The following ABLIM1 variants were observed in gnomAD, a reference collection of about 807,000 sequenced individuals.
The protein encoded by ABLIM1 is actin binding LIM protein 1.
Under a neutral mutation model 107.0 loss-of-function variants are expected in ABLIM1, and 40 were observed. The observed-to-expected ratio is 0.37, with a 90% CI of 0.29 to 0.49. ABLIM1 has a LOEUF of 0.49. Among genes scored for constraint, ABLIM1 ranks in the 20% least tolerant of loss-of-function variants. The pLI, the probability that ABLIM1 is intolerant of heterozygous loss-of-function variation, is 0.97. For synonymous variants in ABLIM1, 357 were observed against 357.3 expected (o/e 1.00, Z 0.01); for missense variants, 857 against 1,008.5 (o/e 0.85, Z 2.04).
chr10:114,637,505 G>A (rs1283148702), intron 1 of ABLIM1, among the ~76,000 whole-genome samples: 1 of 152,108 alleles, frequency 6.6e-6, no homozygotes, highest in African/African-American at 2.4e-5. Context: ...TCAATGCCCG[G>A]CAAAGTTCTT....
At chr10:114,737,720 C>T (rs370142862) in intron 1 of ABLIM1, among the ~76,000 whole-genome samples, 13 of 152,306 alleles carry the variant, frequency 8.5e-5, no homozygotes, top group African/African-American at 3.1e-4. Context: ...ATCTCTTAAT[C>T]TGTTGCTACC....
Position 114,431,946 on chromosome 10 carries a change from C to A in ABLIM1, c.*4314G>T, listed in dbSNP as rs1319968575. 1 of 151,082 alleles carries A rather than the reference C, an allele frequency of 6.6e-6. No homozygotes were observed. The allele number at this position is 151,082 out of a possible 1,614,324, so 9.4% of individuals were successfully genotyped here. On this transcript the variant is annotated 3_prime_UTR_variant, in exon 23 of 23. Transcript: ENST00000533213. ...AAAGCATATCTGCCACCACCTCCCA[C>A]TGCTTCCTGGGCCGCAAACAGAAAA...
intron 6 of ABLIM1, among the ~76,000 whole-genome samples, chr10:114,518,381 C>G (rs1017020449): frequency 4.0e-5 from 6 of 151,856 alleles, no homozygotes; most frequent in Non-Finnish European, 7.4e-5. Context: ...CTTCTCTGAA[C>G]CACATGCAAT....
chr10:114,451,606 G>C lies in ABLIM1; in HGVS notation c.1594+18C>G. Reference sequence around the variant, plus strand: ...GACTTTGCTATTTAAAAGCTACGCGGAGGAAAGCGGGTTTTACCATGCTGT... The same window carrying C: ...GACTTTGCTATTTAAAAGCTACGCGCAGGAAAGCGGGTTTTACCATGCTGT... On this transcript the variant is annotated intron_variant, in intron 14 of 22. Coordinates refer to ENST00000533213, the MANE Select transcript of ABLIM1 (RefSeq NM_002313.7). 1 of 1,607,442 alleles carries C rather than the reference G, an allele frequency of 6.2e-7. No individual in the cohort carries two copies. Among genetic ancestry groups the C allele is most frequent in the East Asian group, 2.2e-5 (1 of 44,854 alleles).
chr10:114,746,387 AT>A (rs1260280110), intron 1 of ABLIM1, among the ~76,000 whole-genome samples: 1 of 152,166 alleles, frequency 6.6e-6, no homozygotes, highest in Non-Finnish European at 1.5e-5. Context: ...GTGTTCTCCA[AT>A]TCCATCCATA....
chr10:114,502,520 A>G (rs1021470570), intron 6 of ABLIM1, among the ~76,000 whole-genome samples: 4 of 152,054 alleles, frequency 2.6e-5, no homozygotes, highest in Non-Finnish European at 5.9e-5. Flanking sequence ...TTTTTGAGAC[A>G]GAGATTCACT....
chr10:114,736,681 C>A (rs1419186418), intron 1 of ABLIM1, among the ~76,000 whole-genome samples: 2 of 152,140 alleles, frequency 1.3e-5, no homozygotes, highest in East Asian at 3.8e-4. Flanking sequence ...AATATTACTT[C>A]ATATATTTCT....
intron 1 of ABLIM1, among the ~76,000 whole-genome samples, chr10:114,677,497 G>T (rs562842720): frequency 9.8e-5 from 15 of 152,318 alleles, no homozygotes; most frequent in African/African-American, 3.1e-4. Flanking sequence ...AACTGGCTAG[G>T]TATAGTGGCT....
chr10:114,453,471 G>A lies in ABLIM1; in HGVS notation c.1454C>T (p.Ser485Phe). 1 of 1,595,520 alleles carries A rather than the reference G, an allele frequency of 6.3e-7. No individual in the cohort carries two copies. Among genetic ancestry groups the A allele is most frequent in the Non-Finnish European group, 8.6e-7 (1 of 1,168,490 alleles). The change falls in exon 13 of 23, where the codon TCC becomes TTC. Residue 485 changes from serine (S) to phenylalanine (F), a missense_variant. Coordinates refer to ENST00000533213, the MANE Select transcript of ABLIM1 (RefSeq NM_002313.7). ...AGGGAGAGGGGAGTTCCGGCCGCTG[G>A]ACGGCTCATTGCCTCCAATGAGAAG... ...QHFHRPGNEPSSGRNSPLPYR... is the reference protein window; with the variant it reads ...QHFHRPGNEPFSGRNSPLPYR...
At chr10:114,788,326 TAAAAAAATAAAAAAAAAAA>T in the ABLIM1 span, among the ~76,000 whole-genome samples, 1 of 131,368 alleles carries the variant, frequency 7.6e-6, no homozygotes, top group African/African-American at 2.8e-5. Flanking sequence ...GAATGATCAA[TAAAAAAATAAAAAAAAAAA>T]AAATAAATAA....
Position 114,433,636 on chromosome 10 carries a change from G to T in ABLIM1, c.*2624C>A, listed in dbSNP as rs1479998626. Reference sequence around the variant, plus strand: ...GTTTAAAAGATACAAGGAAAGCAGGGTTTCATTAGTGGGAGCTGATTTAGG... The same window carrying T: ...GTTTAAAAGATACAAGGAAAGCAGGTTTTCATTAGTGGGAGCTGATTTAGG... On this transcript the variant is annotated 3_prime_UTR_variant, in exon 23 of 23. Coordinates refer to ENST00000533213, the MANE Select transcript of ABLIM1 (RefSeq NM_002313.7). 6.6e-6 allele frequency: 1 copy of T among 152,180 alleles called. No individual in the cohort carries two copies. The highest frequency in any genetic ancestry group is 2.4e-5 in the African/African-American group (1 of 41,440). The allele number at this position is 152,180 out of a possible 1,614,324, so 9.4% of individuals were successfully genotyped here.
chr10:114,473,211 G>C, intron 9 of ABLIM1, 79 bp from the exon 10 acceptor site: 1 of 1,427,532 alleles, frequency 7.0e-7, no homozygotes, highest in Non-Finnish European at 9.4e-7. Flanking sequence ...ATTTCCTGTT[G>C]TTTAAAAAGT....
chr10:114,504,368 G>A (rs1414500452), intron 6 of ABLIM1, among the ~76,000 whole-genome samples: 1 of 151,596 alleles, frequency 6.6e-6, no homozygotes. Context: ...TTTCTCCTAA[G>A]TCCATTCCCC....
chr10:114,482,941 G>A (rs915247529), intron 8 of ABLIM1, among the ~76,000 whole-genome samples: 9 of 152,032 alleles, frequency 5.9e-5, no homozygotes, highest in African/African-American at 2.2e-4. Context: ...GTATACTACT[G>A]GAAAAAATAA....
chr10:114,684,198 A>T, intron 1 of ABLIM1: 1 of 1,327,520 alleles, frequency 7.5e-7, no homozygotes, highest in South Asian at 1.6e-5. Flanking sequence ...CAATTTTATC[A>T]AATGGAAAAG....
chr10:114,712,677 A>T (rs543319736), intron 1 of ABLIM1, among the ~76,000 whole-genome samples: 1 of 152,332 alleles, frequency 6.6e-6, no homozygotes. Flanking sequence ...ATTAGATGAC[A>T]GTCTGAGGCT....
In ABLIM1 at chr10:114,432,382, T is replaced by A. The variant is rs1242392780; in HGVS notation, c.*3878A>T. ...TCCATGAGAGTCAGGAAAAGGGTTC[T>A]GTGAGCACCCAACCTGGAGCGGTCA... is the stretch of plus-strand genomic sequence containing the variant. On this transcript the variant is annotated 3_prime_UTR_variant, in exon 23 of 23. Transcript: ENST00000533213. The A allele has an allele frequency of 3.3e-5, 5 of 152,182 alleles. No individual in the cohort carries two copies. Among genetic ancestry groups the A allele is most frequent in the Non-Finnish European group, 7.4e-5 (5 of 68,026 alleles). The allele number at this position is 152,182 out of a possible 1,614,324, so 9.4% of individuals were successfully genotyped here.
At chr10:114,627,929 C>A (rs989785823) in intron 1 of ABLIM1, among the ~76,000 whole-genome samples, 1 of 152,120 alleles carries the variant, frequency 6.6e-6, no homozygotes, top group African/African-American at 2.4e-5. Flanking sequence ...TCGAGACCAG[C>A]CTGGCCAACA....
intron 6 of ABLIM1, among the ~76,000 whole-genome samples, chr10:114,541,512 T>C (rs906003338): frequency 6.6e-6 from 1 of 151,706 alleles, no homozygotes; most frequent in African/African-American, 2.4e-5. Context: ...CCGTCCTGCT[T>C]TGTGTTGGTA....
Sources: allele counts gnomAD v4.1 joint callset (sites outside exome capture counted in the v4.1 genomes callset), GRCh38; gene constraint gnomAD v4.1.1; transcripts MANE v1.5; gene names NCBI Gene and HGNC (gene_info 2026-07-23, HGNC 2026-07-21).